CRPPA: variants seen among roughly 807,000 people sequenced by gnomAD.
CRPPA encodes the protein D-ribitol-5-phosphate cytidylyltransferase.
CRPPA carries 43 observed loss-of-function variants against 52.0 expected under a neutral mutation model. The observed-to-expected ratio is 0.83, with a 90% CI of 0.65 to 1.07. The LOEUF (loss-of-function observed/expected upper bound fraction) is 1.07, where lower values mean the gene tolerates loss of function less well. CRPPA is among the 50% of genes least tolerant of loss of function. The pLI is 0.00. For synonymous variants in CRPPA, 250 were observed against 203.5 expected, an observed-to-expected ratio of 1.23 and a Z score of -1.94; for missense variants, 629 against 551.7, an observed-to-expected ratio of 1.14 and a Z score of -1.40.
intron 6 of CRPPA, among the ~76,000 whole-genome samples, chr7:16,268,114 T>G (rs1784000510): frequency 6.6e-6 from 1 of 151,992 alleles, no homozygotes; most frequent in Non-Finnish European, 1.5e-5. Flanking sequence ...AATCATGTGA[T>G]GAGAAAATGA....
intron 3 of CRPPA, among the ~76,000 whole-genome samples, chr7:16,370,329 A>G (rs1786716330): frequency 6.6e-6 from 1 of 152,288 alleles, no homozygotes; most frequent in Admixed American, 6.5e-5. Flanking sequence ...CATAGTTGCT[A>G]TTTCTGCAGG....
chr7:16,335,947 T>G (rs927984182), intron 3 of CRPPA, among the ~76,000 whole-genome samples: 2 of 152,144 alleles, frequency 1.3e-5, no homozygotes, highest in Non-Finnish European at 2.9e-5. Flanking sequence ...CAGGCCAGGA[T>G]AGAGTAGGAT....
intron 9 of CRPPA, among the ~76,000 whole-genome samples, chr7:16,121,590 T>C (rs868730264): frequency 2.0e-5 from 3 of 151,994 alleles, no homozygotes; most frequent in African/African-American, 7.2e-5. Context: ...TGAATATTGA[T>C]GGAGGAATAA....
intron 6 of CRPPA, among the ~76,000 whole-genome samples, chr7:16,266,537 C>G (rs1295140): frequency 0.77 from 116,652 of 150,880 alleles, 45,593 homozygotes; most frequent in African/African-American, 0.89. Flanking sequence ...GGAGTGCAGT[C>G]GTATCATCTT....
At chr7:16,366,795 TA>T (rs55913250) in intron 3 of CRPPA, among the ~76,000 whole-genome samples, 14,723 of 119,382 alleles carry the variant, frequency 0.12, 739 homozygotes, top group Middle Eastern at 0.18. Flanking sequence ...GGGAGAAAAA[TA>T]AAAAAAAAAA....
chr7:16,133,690 C>G (rs1291540525), intron 9 of CRPPA, among the ~76,000 whole-genome samples: 1 of 123,862 alleles, frequency 8.1e-6, no homozygotes, highest in Non-Finnish European at 1.8e-5. Context: ...GGGAGCCATA[C>G]AAAGTACCAC....
intron 3 of CRPPA, among the ~76,000 whole-genome samples, chr7:16,320,027 C>G (rs1785224762): frequency 6.6e-6 from 1 of 152,110 alleles, no homozygotes; most frequent in African/African-American, 2.4e-5. Context: ...TGTAATTTGG[C>G]CTTCTCCAAG....
intron 9 of CRPPA, among the ~76,000 whole-genome samples, chr7:16,208,164 T>C (rs1782018649): frequency 6.6e-6 from 1 of 152,210 alleles, no homozygotes; most frequent in South Asian, 2.1e-4. Context: ...ATTAATATGA[T>C]GCTTTAATTA....
intron 3 of CRPPA, among the ~76,000 whole-genome samples, chr7:16,339,929 G>T (rs1785779553): frequency 6.6e-6 from 1 of 151,932 alleles, no homozygotes; most frequent in Admixed American, 6.6e-5. Context: ...TCAAAGGAAA[G>T]GAAAAGAGAG....
intron 8 of CRPPA, among the ~76,000 whole-genome samples, chr7:16,239,584 A>C (rs13226605): frequency 6.8e-6 from 1 of 147,582 alleles, no homozygotes. Flanking sequence ...AAAAAAAAAA[A>C]CTAGTGAGAG....
At chr7:16,369,075 C>T (rs190141314) in intron 3 of CRPPA, among the ~76,000 whole-genome samples, 2 of 152,226 alleles carry the variant, frequency 1.3e-5, no homozygotes, top group African/African-American at 4.8e-5. Context: ...AAGACAAAGT[C>T]CCTGTGTAGC....
intron 4 of CRPPA, among the ~76,000 whole-genome samples, chr7:16,304,145 G>C (rs898418098): frequency 2.6e-5 from 4 of 152,088 alleles, no homozygotes; most frequent in Non-Finnish European, 5.9e-5. Context: ...ATGCAGACTA[G>C]ATGAAATCTC....
intron 1 of CRPPA, among the ~76,000 whole-genome samples, chr7:16,418,311 T>C (rs181878523): frequency 2.0e-5 from 3 of 152,350 alleles, no homozygotes; most frequent in Admixed American, 2.0e-4. Context: ...GATGAGTTAC[T>C]ATTGCTATTA....
intron 3 of CRPPA, among the ~76,000 whole-genome samples, chr7:16,361,897 C>T (rs548179931): frequency 1.3e-5 from 2 of 152,164 alleles, no homozygotes; most frequent in Non-Finnish European, 2.9e-5. Flanking sequence ...CTCTATCGCC[C>T]AGGCTGGAGC....
intron 2 of CRPPA, among the ~76,000 whole-genome samples, chr7:16,400,007 C>G (rs1422419219): frequency 2.0e-5 from 3 of 150,062 alleles, no homozygotes; most frequent in Non-Finnish European, 4.4e-5. Flanking sequence ...TGACATGTGA[C>G]TGACTCGCGA....
chr7:16,325,366 A>G (rs1785359198), intron 3 of CRPPA, among the ~76,000 whole-genome samples: 1 of 152,206 alleles, frequency 6.6e-6, no homozygotes, highest in Non-Finnish European at 1.5e-5. Flanking sequence ...GGAAGGAAAA[A>G]GCCTAGAAAT....
At chr7:16,241,199 C>T (rs1451305557) in intron 8 of CRPPA, among the ~76,000 whole-genome samples, 1 of 151,908 alleles carries the variant, frequency 6.6e-6, no homozygotes, top group Non-Finnish European at 1.5e-5. Flanking sequence ...CTTTTCTTTT[C>T]TTTTTTTAAT....
chr7:16,297,862 G>A (rs1784706866), intron 5 of CRPPA, among the ~76,000 whole-genome samples: 1 of 152,100 alleles, frequency 6.6e-6, no homozygotes, highest in African/African-American at 2.4e-5. Context: ...GCAGATCGTG[G>A]GACTTAGCCT....
intron 9 of CRPPA, among the ~76,000 whole-genome samples, chr7:16,170,674 A>G (rs1781162138): frequency 6.6e-6 from 1 of 152,162 alleles, no homozygotes; most frequent in Admixed American, 6.5e-5. Context: ...GGAGAGAGGG[A>G]GCAGGCTCGG....
Sources: allele counts gnomAD v4.1 joint callset (sites outside exome capture counted in the v4.1 genomes callset), GRCh38; gene constraint gnomAD v4.1.1; transcripts MANE v1.5; gene names NCBI Gene and HGNC (gene_info 2026-07-23, HGNC 2026-07-21).